The following PTPRM variants were observed in gnomAD, a reference collection of about 807,000 sequenced individuals.
PTPRM encodes receptor-type tyrosine-protein phosphatase mu.
PTPRM carries 47 observed loss-of-function variants against 186.7 expected under a neutral mutation model. That is an observed-to-expected ratio of 0.25 (90% CI 0.20 to 0.32). PTPRM has a LOEUF of 0.32. PTPRM is among the 10% of genes least tolerant of loss of function. The pLI, the probability that PTPRM is intolerant of heterozygous loss-of-function variation, is 1.00. For missense variants in PTPRM, 1,494 were observed against 1,865.0 expected, an observed-to-expected ratio of 0.80 and a Z score of 3.66; for synonymous variants, 668 against 674.9, an observed-to-expected ratio of 0.99 and a Z score of 0.16.
intron 12 of PTPRM, 136 bp downstream of exon 12, chr18:8,113,895 T>A: frequency 1.0e-6 from 1 of 986,470 alleles, no homozygotes; most frequent in Non-Finnish European, 1.4e-6. Context: ...TTTCTTCTCT[T>A]AAAATTATTT....
intron 19 of PTPRM, among the ~76,000 whole-genome samples, chr18:8,286,856 T>C (rs1182515220): frequency 6.6e-6 from 1 of 152,146 alleles, no homozygotes; most frequent in African/African-American, 2.4e-5. Flanking sequence ...AGGAAGAGCC[T>C]GGGAATTGTG....
chr18:8,056,036 G>A (rs1028347188), intron 7 of PTPRM, among the ~76,000 whole-genome samples: 4 of 152,100 alleles, frequency 2.6e-5, no homozygotes, highest in African/African-American at 9.7e-5. Context: ...GGATCTAGTT[G>A]TTTTCAAATG....
chr18:7,879,689 A>G (rs753862098), intron 2 of PTPRM, among the ~76,000 whole-genome samples: 7 of 152,206 alleles, frequency 4.6e-5, no homozygotes, highest in Non-Finnish European at 8.8e-5. Context: ...AAAGGTTATA[A>G]GCACATCTGA....
chr18:7,837,259 T>C (rs2046096001), intron 2 of PTPRM, among the ~76,000 whole-genome samples: 1 of 152,204 alleles, frequency 6.6e-6, no homozygotes, highest in Non-Finnish European at 1.5e-5. Flanking sequence ...TTCAAACTCA[T>C]TGGTTGTTTC....
intron 7 of PTPRM, among the ~76,000 whole-genome samples, chr18:8,059,113 A>G (rs1467279350): frequency 3.3e-5 from 5 of 150,850 alleles, no homozygotes; most frequent in African/African-American, 9.8e-5. Flanking sequence ...ATTTGTTTGT[A>G]TCCTCTTTTA....
chr18:8,321,678 G>T (rs2095346728), intron 22 of PTPRM, among the ~76,000 whole-genome samples: 1 of 152,174 alleles, frequency 6.6e-6, no homozygotes, highest in South Asian at 2.1e-4. Flanking sequence ...CCTTTCCCTG[G>T]TACAAGGTGG....
chr18:8,313,055 G>A (rs2095281434), intron 20 of PTPRM, among the ~76,000 whole-genome samples: 1 of 152,202 alleles, frequency 6.6e-6, no homozygotes, highest in African/African-American at 2.4e-5. Context: ...TTCAAGGAAT[G>A]GGTCCAGGTC....
intron 4 of PTPRM, among the ~76,000 whole-genome samples, chr18:7,924,712 T>C (rs2051069508): frequency 6.6e-6 from 1 of 152,210 alleles, no homozygotes; most frequent in Non-Finnish European, 1.5e-5. Context: ...CATCAAGTGC[T>C]GTGGCCGTTG....
intron 14 of PTPRM, among the ~76,000 whole-genome samples, chr18:8,200,531 A>G (rs1260921404): frequency 1.3e-5 from 2 of 152,200 alleles, no homozygotes; most frequent in Non-Finnish European, 2.9e-5. Flanking sequence ...AGAGGGAGGA[A>G]GTTGGAGTCT....
intron 23 of PTPRM, among the ~76,000 whole-genome samples, chr18:8,347,161 G>A (rs868778534): frequency 1.3e-5 from 2 of 152,290 alleles, no homozygotes; most frequent in Middle Eastern, 6.8e-3. Context: ...CCAGAAAGTT[G>A]TGCACCCGTG....
chr18:7,903,476 T>C (rs2049809215), intron 3 of PTPRM, among the ~76,000 whole-genome samples: 1 of 152,188 alleles, frequency 6.6e-6, no homozygotes. Context: ...GGGACCTGTT[T>C]TGAGGGCCTC....
chr18:7,770,833 G>GC (rs2042239224), intron 1 of PTPRM, among the ~76,000 whole-genome samples: 1 of 151,156 alleles, frequency 6.6e-6, no homozygotes, highest in African/African-American at 2.5e-5. Flanking sequence ...TGTTATTTTG[G>GC]GGGGGTCCCA....
intron 2 of PTPRM, among the ~76,000 whole-genome samples, chr18:7,805,313 T>G (rs2044178734): frequency 6.6e-6 from 1 of 152,226 alleles, no homozygotes; most frequent in African/African-American, 2.4e-5. Context: ...GTTCACACTC[T>G]CACCACAGCT....
chr18:8,272,459 C>T (rs1440189061), intron 19 of PTPRM, among the ~76,000 whole-genome samples: 1 of 151,908 alleles, frequency 6.6e-6, no homozygotes, highest in African/African-American at 2.4e-5. Flanking sequence ...TGATTTTCCT[C>T]TAAGTAACAC....
chr18:7,568,454 T>C lies in PTPRM; in HGVS notation c.73+563T>C, dbSNP rs2143287135. Among the ~76,000 whole-genome samples the C allele has an allele frequency of 6.6e-6, 1 of 150,720 alleles. No individual in the cohort carries two copies. The highest frequency in any genetic ancestry group is 2.4e-5 in the African/African-American group (1 of 41,120). On this transcript the variant is annotated intron_variant, in intron 1 of 32. Transcript: ENST00000580170. The surrounding 1 kb of genome is among the most constrained non-coding windows in gnomAD (Gnocchi z 5.1). ...CGGCGCGGCTGGCGACCCCGGGAGG[T>C]CCCCGCGGTCGTGCAGCGTCTGCGG...
At chr18:7,678,530 A>G (rs571343663) in intron 1 of PTPRM, among the ~76,000 whole-genome samples, 2 of 152,278 alleles carry the variant, frequency 1.3e-5, no homozygotes, top group Admixed American at 6.5e-5. Context: ...CGGCCTTCAG[A>G]GGACCACTGG....
At chr18:7,962,469 C>T (rs1187140240) in intron 7 of PTPRM, among the ~76,000 whole-genome samples, 5 of 152,074 alleles carry the variant, frequency 3.3e-5, no homozygotes, top group South Asian at 2.1e-4. Flanking sequence ...CTGTCATACC[C>T]GGTCCAGTCT....
At chr18:7,909,288 GGT>G (rs781324279) in intron 4 of PTPRM, among the ~76,000 whole-genome samples, 2 of 152,184 alleles carry the variant, frequency 1.3e-5, no homozygotes, top group Non-Finnish European at 2.9e-5. Context: ...CCATAGAAAT[GGT>G]GTTTATCTTC....
intron 1 of PTPRM, among the ~76,000 whole-genome samples, chr18:7,607,964 G>A (rs2037576169): frequency 6.6e-6 from 1 of 152,196 alleles, no homozygotes; most frequent in Non-Finnish European, 1.5e-5. Context: ...CTGCCTGTGT[G>A]GTGGCCTTTT....
Sources: gnomAD v4.1 joint callset for allele counts (sites outside exome capture counted in the v4.1 genomes callset) on GRCh38, gnomAD v4.1.1 for gene constraint, Gnocchi (gnomAD v3.1) non-coding constraint, MANE v1.5 for transcripts, NCBI Gene and HGNC (gene_info 2026-07-23, HGNC 2026-07-21) for gene names.